ELP6: variants seen among roughly 807,000 people sequenced by gnomAD.
ELP6 encodes the protein elongator complex protein 6.
A neutral mutation model predicts 28.1 loss-of-function variants in ELP6; 23 were observed. That is an observed-to-expected ratio of 0.82 (90% CI 0.59 to 1.16). The LOEUF (loss-of-function observed/expected upper bound fraction) is 1.16. Among genes scored for constraint, ELP6 ranks in the 50% most tolerant of loss-of-function variants. The pLI, the probability that ELP6 is intolerant of heterozygous loss-of-function variation, is 0.00. For missense variants in ELP6, 313 were observed against 334.6 expected, an observed-to-expected ratio of 0.94 and a Z score of 0.50; for synonymous variants, 132 against 135.8, an observed-to-expected ratio of 0.97 and a Z score of 0.19.
At chr3:47,506,606 CG>C (rs1559592399) in intron 3 of ELP6, among the ~76,000 whole-genome samples, 1 of 152,196 alleles carries the variant, frequency 6.6e-6, no homozygotes, top group African/African-American at 2.4e-5. Context: ...CTGTTCCGCC[CG>C]GCTCACCAGC....
chr3:47,511,492 A>G, intron 1 of ELP6: 34 of 1,245,194 alleles, frequency 2.7e-5, no homozygotes, highest in Non-Finnish European at 3.4e-5. Context: ...GAATAAACTT[A>G]TTTCTCTTCC....
intron 1 of ELP6, chr3:47,513,291 C>A: frequency 1.5e-6 from 2 of 1,341,646 alleles, no homozygotes; most frequent in Non-Finnish European, 1.9e-6. Context: ...CGCGCCCGGC[C>A]GCTTCCCAGG....
chr3:47,502,228 G>A (rs1708684280), intron 4 of ELP6: 1 of 197,812 alleles, frequency 5.1e-6, no homozygotes, highest in Admixed American at 6.6e-5. Flanking sequence ...GGCCAACAAT[G>A]GTGAAACCCC....
At chr3:47,497,310 C>T in intron 6 of ELP6, 1 of 985,302 alleles carries the variant, frequency 1.0e-6, no homozygotes, top group Non-Finnish European at 1.2e-6. Context: ...CAACCCTGGT[C>T]CACGGGTACG....
chr3:47,495,843 G>T lies in ELP6; in HGVS notation c.*226C>A. 1.6e-6 allele frequency: 1 copy of T among 608,888 alleles called. No individual in the cohort carries two copies. Among genetic ancestry groups the T allele is most frequent in the Non-Finnish European group, 2.6e-6 (1 of 384,018 alleles). The allele number at this position is 608,888 out of a possible 1,614,324, so 37.7% of individuals were successfully genotyped here. A position where few individuals can be genotyped will look rare whatever the true frequency, so the allele number is the denominator to read the frequency against. On this transcript the variant is annotated 3_prime_UTR_variant, in exon 7 of 7. Transcript: ENST00000296149. ...CCCTTTCACTTGGGTCTAGCATCCA[G>T]CCTCTCTCTCAGCAAAGGCAGGATT...
At chr3:47,503,518 G>A in intron 4 of ELP6, 1 of 999,086 alleles carries the variant, frequency 1.0e-6, no homozygotes. Context: ...TCTATTTGTT[G>A]CTGTAGTGCA....
chr3:47,501,955 A>C (rs1395106463), intron 4 of ELP6, 104 bp from the exon 5 acceptor site: 2 of 1,068,580 alleles, frequency 1.9e-6, no homozygotes, highest in Non-Finnish European at 2.7e-6. Context: ...AAAGAACTGT[A>C]TCACAATTCT....
Position 47,513,559 on chromosome 3 carries a change from G to T in ELP6, c.32C>A (p.Thr11Asn), listed in dbSNP as rs760743342. ...TACCTGCTCCGCCCTGTCGGGGGTGGTGTTAAGCAGGTTATTAAGTTCCAC... is the reference window on the plus strand; with the variant it reads ...TACCTGCTCCGCCCTGTCGGGGGTGTTGTTAAGCAGGTTATTAAGTTCCAC... MFVELNNLLN[T>N]TPDRAEQGKL... Residue 11 changes from threonine to asparagine, a missense_variant, in exon 1 of 7, where the codon ACC (threonine) becomes AAC (asparagine). Coordinates refer to ENST00000296149, the MANE Select transcript of ELP6 (RefSeq NM_001031703.3). 7.4e-6 allele frequency: 12 copies of T among 1,613,076 alleles called. No individual in the cohort carries two copies. In the East Asian group the frequency reaches 2.7e-4, roughly 36 times the overall value.
In ELP6 at chr3:47,511,226, C is replaced by A; in HGVS notation, c.55G>T (p.Gly19Trp). The A allele has an allele frequency of 6.2e-7, 1 of 1,613,842 alleles. No homozygotes were observed. The highest frequency in any genetic ancestry group is 8.5e-7 in the Non-Finnish European group (1 of 1,179,934). The change falls in exon 2 of 7, where the codon GGG becomes TGG. Residue 19 changes from glycine (G) to tryptophan (W), a missense_variant and splice_region_variant. Physicochemically the swap from Gly to Trp is radical, Grantham distance 184. Transcript: ENST00000296149. ...GCATCACAGAGTAGAGTCAGTTTCC[C>A]CTAAAAGTTACAAGGAACACAAAAA... ...LNTTPDRAEQ[G>W]KLTLLCDAKT...
chr3:47,512,805 C>A, intron 1 of ELP6: 5 of 943,476 alleles, frequency 5.3e-6, no homozygotes, highest in Non-Finnish European at 6.3e-6. Flanking sequence ...TGCTCCGGGG[C>A]GAGGTGGCGG....
chr3:47,513,369 C>T, intron 1 of ELP6, 168 bp downstream of exon 1: 1 of 1,409,616 alleles, frequency 7.1e-7, no homozygotes, highest in Non-Finnish European at 9.2e-7. Flanking sequence ...TTCGGCGGGC[C>T]CAAGCCTCCA....
At chr3:47,509,851 T>C in intron 3 of ELP6, 1 of 169,172 alleles carries the variant, frequency 5.9e-6, no homozygotes, top group South Asian at 1.8e-4. Context: ...AACCTCTGGC[T>C]CCCGGGTTCA....
At chr3:47,511,722 TAAC>T (rs1302012323) in intron 1 of ELP6, 1 of 829,390 alleles carries the variant, frequency 1.2e-6, no homozygotes, top group Non-Finnish European at 1.5e-6. Context: ...AGATGTCTGA[TAAC>T]AAAGTTCACC....
intron 5 of ELP6, chr3:47,499,616 G>A (rs1708581430): frequency 3.1e-6 from 1 of 325,532 alleles, no homozygotes. Context: ...CCTGGGAGGT[G>A]GAGGTTGCAG....
In ELP6 at chr3:47,504,347, G is replaced by A; in HGVS notation, c.306C>T (p.His102=). Residue 102 remains histidine, a synonymous_variant, in exon 4 of 7, where the codon CAC becomes CAT. Coordinates refer to ENST00000296149, the MANE Select transcript of ELP6 (RefSeq NM_001031703.3). ...DVVFQAQKEP[H]PLQFLREANA... ...TGACTGACCTGAGAAACTGCAGGGG[G>A]TGTGGCTCCTTTTGAGCCTGGAAGA... The A allele has an allele frequency of 6.2e-7, 1 of 1,609,220 alleles. No individual in the cohort carries two copies. The highest frequency in any genetic ancestry group is 8.5e-7 in the Non-Finnish European group (1 of 1,177,396).
At position 47,513,336 on chromosome 3, in the gene ELP6, G is replaced by A; in HGVS notation, c.54+201C>T. 7 of 1,399,902 alleles carry A rather than the reference G, an allele frequency of 5.0e-6. No individual in the cohort carries two copies. The South Asian group carries it at 1.1e-4, about 23-fold the overall frequency. The allele number at this position is 1,399,902 out of a possible 1,614,324, so 86.7% of individuals were successfully genotyped here. A position where few individuals can be genotyped will look rare whatever the true frequency, so the allele number is the denominator to read the frequency against. On this transcript the variant is annotated intron_variant, in intron 1 of 6. Transcript: ENST00000296149. Reference sequence around the variant, plus strand: ...GGACACGCACAGCCGTTGAGAATATGCGAGATGGCCCAGAAGCCCACTTTC... The same window carrying A: ...GGACACGCACAGCCGTTGAGAATATACGAGATGGCCCAGAAGCCCACTTTC...
chr3:47,503,714 C>A (rs1056041724), intron 4 of ELP6, among the ~76,000 whole-genome samples: 1 of 151,934 alleles, frequency 6.6e-6, no homozygotes, highest in Non-Finnish European at 1.5e-5. Context: ...CATGGTGAAA[C>A]CCCGTCTCTA....
At chr3:47,512,550 A>AAAAT (rs369399582) in intron 1 of ELP6, 158 of 959,402 alleles carry the variant, frequency 1.6e-4, no homozygotes, top group South Asian at 7.7e-4. Context: ...GACTCCATCA[A>AAAAT]AAATAAATAA....
intron 4 of ELP6, chr3:47,502,311 G>A (rs1439550848): frequency 1.5e-6 from 1 of 654,694 alleles, no homozygotes; most frequent in African/African-American, 2.0e-5. Flanking sequence ...TCAGGAGGCT[G>A]AGGCAGGAGA....
Sources: allele counts gnomAD v4.1 joint callset (sites outside exome capture counted in the v4.1 genomes callset), GRCh38; gene constraint gnomAD v4.1.1; transcripts MANE v1.5; gene names NCBI Gene and HGNC (gene_info 2026-07-23, HGNC 2026-07-21).